HERC2: variants seen among roughly 807,000 people sequenced by gnomAD.
HERC2 encodes E3 ubiquitin-protein ligase HERC2.
A neutral mutation model predicts 537.7 loss-of-function variants in HERC2; 102 were observed. That is an observed-to-expected ratio of 0.19 (90% CI 0.16 to 0.22). The LOEUF is 0.22. Among genes scored for constraint, HERC2 ranks in the 10% least tolerant of loss-of-function variants. HERC2 has a pLI of 1.00. For missense variants in HERC2, 4,236 were observed against 6,198.2 expected, an observed-to-expected ratio of 0.68 and a Z score of 10.63; for synonymous variants, 2,224 against 2,466.2, an observed-to-expected ratio of 0.90 and a Z score of 2.91.
chr15:28,198,385 A>G lies in HERC2; in HGVS notation c.8004T>C (p.Val2668=). The G allele has an allele frequency of 6.2e-7, 1 of 1,611,884 alleles. No individual in the cohort carries two copies. Among genetic ancestry groups the G allele is most frequent in the Non-Finnish European group, 8.5e-7 (1 of 1,179,772 alleles). ...TTACCCAGATAATATTACCTTTCACAACCCCCACACTCTGATGAGTCACAG... is the reference window on the plus strand; with the variant it reads ...TTACCCAGATAATATTACCTTTCACGACCCCCACACTCTGATGAGTCACAG... ...WGSVTHQSVG[V]VKAFSANGKD... Residue 2668 remains valine (V), a synonymous_variant, in exon 50 of 93, where the codon GTT becomes GTC. Transcript: ENST00000261609.
intron 35 of HERC2, among the ~76,000 whole-genome samples, chr15:28,227,886 T>C: frequency 6.6e-6 from 1 of 152,146 alleles, no homozygotes; most frequent in Non-Finnish European, 1.5e-5. Flanking sequence ...ATTCCATTTA[T>C]ATGAAATATC....
In HERC2 at chr15:28,321,626, G is replaced by C. The variant is rs1300689262; in HGVS notation, c.-31-162C>G. ...GAGAGGGAAAGAGGGAAGAGATGGA[G>C]GGAGAGGGAGGTGGGGAAGGGAAAG... On this transcript the variant is annotated intron_variant, in intron 1 of 92. Coordinates refer to ENST00000261609, the MANE Select transcript of HERC2 (RefSeq NM_004667.6). Among the ~76,000 whole-genome samples, 11 of 125,448 alleles carry C rather than the reference G, an allele frequency of 8.8e-5. 1 individual carries two copies. In the East Asian group the frequency reaches 3.4e-3, roughly 39 times the overall value. 82.3% of individuals were successfully genotyped at this position (125,448 alleles called of 152,430 possible).
At chr15:28,266,076 C>A in intron 12 of HERC2, 102 bp from the exon 13 acceptor site, 1 of 1,275,950 alleles carries the variant, frequency 7.8e-7, no homozygotes. Context: ...ACCAGCATAG[C>A]ATCAGGCCAG....
At chr15:28,166,054 T>C (rs1417674732) in intron 68 of HERC2, among the ~76,000 whole-genome samples, 3 of 152,318 alleles carry the variant, frequency 2.0e-5, no homozygotes, top group Admixed American at 1.3e-4. Flanking sequence ...CAAAGAATGA[T>C]GGGAATATGC....
At position 28,248,713 on chromosome 15, in the gene HERC2, G is replaced by A. The variant is rs183120284; in HGVS notation, c.3074C>T (p.Ala1025Val). ...LLRNIASQTV[A>V]RLKDVARRIS... ...CCGACGGGCAACATCTTTCAATCTGGCTACAGTCTGAGAAGCAATGTTTCT... is the reference window on the plus strand; with the variant it reads ...CCGACGGGCAACATCTTTCAATCTGACTACAGTCTGAGAAGCAATGTTTCT... Residue 1025 changes from alanine to valine, a missense_variant, in exon 21 of 93, where the codon GCC (alanine) becomes GTC (valine). Around this residue, in one of 27 missense-constraint regions of HERC2, gnomAD observed 754 missense variants for 1,085.0 expected, o/e 0.69. Coordinates refer to ENST00000261609, the MANE Select transcript of HERC2 (RefSeq NM_004667.6). 1.9e-6 allele frequency: 3 copies of A among 1,613,730 alleles called. No homozygotes were observed. In the Admixed American group the frequency reaches 5.0e-5, roughly 27 times the overall value.
chr15:28,134,918 C>T (rs1012683197), intron 79 of HERC2, among the ~76,000 whole-genome samples: 2 of 151,974 alleles, frequency 1.3e-5, no homozygotes, highest in African/African-American at 4.8e-5. Context: ...AGCAATCTGC[C>T]CACCTCAGCT....
chr15:28,124,089 C>T lies in HERC2; in HGVS notation c.13136G>A (p.Gly4379Glu). The T allele has an allele frequency of 6.2e-7, 1 of 1,608,110 alleles. No individual in the cohort carries two copies. Among genetic ancestry groups the T allele is most frequent in the Non-Finnish European group, 8.5e-7 (1 of 1,177,110 alleles). Reference protein sequence around the residue: ...LEGSLDETGLGPSVGFDTLRG... With the variant: ...LEGSLDETGLEPSVGFDTLRG... Reference sequence around the variant, plus strand: ...GAGAGTGTCGAACCCAACAGAAGGCCCGAGTCCAGTTTCGTCGAGCGAGCC... The same window carrying T: ...GAGAGTGTCGAACCCAACAGAAGGCTCGAGTCCAGTTTCGTCGAGCGAGCC... Residue 4379 changes from glycine (G) to glutamate (E), a missense_variant, in exon 85 of 93, where the codon GGG becomes GAG. Gly to Glu is a moderately conservative substitution (Grantham distance 98, BLOSUM62 -2). Around this residue, in one of 27 missense-constraint regions of HERC2, gnomAD observed 189 missense variants for 255.7 expected, o/e 0.74. Coordinates refer to ENST00000261609, the MANE Select transcript of HERC2 (RefSeq NM_004667.6).
chr15:28,256,277 A>C lies in HERC2; in HGVS notation c.2558T>G (p.Leu853Arg). Residue 853 changes from leucine (L) to arginine (R), a missense_variant, in exon 18 of 93, where the codon CTT becomes CGT. Leu to Arg is a moderately radical substitution (Grantham distance 102). Transcript: ENST00000261609. The stretch of plus-strand genomic sequence containing the variant: ...GAGGATGCTGCCCAGACCTAAACCA[A>C]GGAATTCCGGGTCAACCTGGTGACT... ...AISHQVDPEF[L>R]GLGLGSILLN... 3 of 1,597,302 alleles carry C rather than the reference A, an allele frequency of 1.9e-6. No individual in the cohort carries two copies. Among genetic ancestry groups the C allele is most frequent in the Non-Finnish European group, 2.5e-6 (3 of 1,179,616 alleles).
rs2075816036 is a variant in HERC2 at position 28,274,346 on chromosome 15, C to A, written c.745G>T (p.Val249Leu). ...SLFDESTVSS[V>L]WLEVVERATR... is the part of the protein sequence containing the mutation. ...GCTCTCTCCACCACCTCCAGCCACA[C>A]AGAGGACACGGTGCTCTCGTCAAAG... Residue 249 changes from valine to leucine, a missense_variant, in exon 7 of 93, where the codon GTG becomes TTG. Around this residue, in one of 27 missense-constraint regions of HERC2, gnomAD observed 491 missense variants for 559.3 expected, o/e 0.88. Coordinates refer to ENST00000261609, the MANE Select transcript of HERC2 (RefSeq NM_004667.6). 1.2e-6 allele frequency: 2 copies of A among 1,614,244 alleles called. No individual in the cohort carries two copies. Among genetic ancestry groups the A allele is most frequent in the Non-Finnish European group, 1.7e-6 (2 of 1,180,032 alleles).
chr15:28,236,972 C>T lies in HERC2; in HGVS notation c.3994G>A (p.Glu1332Lys), dbSNP rs1209568934. Residue 1332 changes from glutamate to lysine, a missense_variant, in exon 26 of 93, where the codon GAA becomes AAA. Around this residue, in one of 27 missense-constraint regions of HERC2, gnomAD observed 754 missense variants for 1,085.0 expected, o/e 0.69. Transcript: ENST00000261609. Reference protein sequence around the residue: ...MSTPLSPVEIECAKWLQSSIF... With the variant: ...MSTPLSPVEIKCAKWLQSSIF... Reference sequence around the variant, plus strand: ...GCAAAGATTTTCTTACTGGCACATTCAATCTCGACAGGAGACAGCGGTGTG... The same window carrying T: ...GCAAAGATTTTCTTACTGGCACATTTAATCTCGACAGGAGACAGCGGTGTG... 4 of 1,611,818 alleles carry T rather than the reference C, an allele frequency of 2.5e-6. No homozygotes were observed. Among genetic ancestry groups the T allele is most frequent in the Non-Finnish European group, 3.4e-6 (4 of 1,179,718 alleles).
Position 28,144,091 on chromosome 15 carries a change from T to C in HERC2, c.11285A>G (p.Gln3762Arg). 6.2e-7 allele frequency: 1 copy of C among 1,614,178 alleles called. No individual in the cohort carries two copies. Among genetic ancestry groups the C allele is most frequent in the Non-Finnish European group, 8.5e-7 (1 of 1,180,042 alleles). ...GTGGCATTTACCTAGGGCACTCAGC[T>C]GTGCACAAGCTGCCAGCGAGGCCGC... ...RLAASLAACA[Q>R]LSALAASHRM... is the part of the protein sequence containing the mutation. The change falls in exon 73 of 93, where the codon CAG (glutamine) becomes CGG (arginine). Residue 3762 changes from glutamine to arginine, a missense_variant. By Grantham distance (43) the Gln-to-Arg change is conservative. Around this residue, in one of 27 missense-constraint regions of HERC2, gnomAD observed 109 missense variants for 133.5 expected, o/e 0.82. Transcript: ENST00000261609.
Position 28,198,450 on chromosome 15 carries a change from C to T in HERC2, c.7939G>A (p.Val2647Ile). ...SHIKIGDKVR[V>I]KASVTTPKYK... ...TTTGGTGTGGTGACAGAGGCTTTGA[C>T]CCGCACTTTATCACCAATCTTGATG... The change falls in exon 50 of 93, where the codon GTC becomes ATC. Residue 2647 changes from valine (V) to isoleucine (I), a missense_variant. This residue lies in a region of HERC2 where 606 missense variants were observed against 884.5 expected (regional missense o/e 0.69). Coordinates refer to ENST00000261609, the MANE Select transcript of HERC2 (RefSeq NM_004667.6). 6.2e-7 allele frequency: 1 copy of T among 1,613,790 alleles called. No individual in the cohort carries two copies. The highest frequency in any genetic ancestry group is 2.2e-5 in the East Asian group (1 of 44,880).
chr15:28,230,333 T>C (rs1308229044), intron 31 of HERC2, 34 bp downstream of exon 31: 1 of 1,579,846 alleles, frequency 6.3e-7, no homozygotes, highest in Admixed American at 1.7e-5. Flanking sequence ...ATGATTCTAT[T>C]CAGCCAACCT....
chr15:28,148,044 A>C (rs1446152447), intron 70 of HERC2, among the ~76,000 whole-genome samples: 1 of 150,956 alleles, frequency 6.6e-6, no homozygotes, highest in South Asian at 2.1e-4. Context: ...CTCCAAAAAA[A>C]AAAAAAAGAA....
At chr15:28,210,327 G>A (rs1899042429) in intron 44 of HERC2, among the ~76,000 whole-genome samples, 1 of 152,092 alleles carries the variant, frequency 6.6e-6, no homozygotes, top group Admixed American at 6.6e-5. Flanking sequence ...TAGAAATGGG[G>A]TTTCACCATG....
chr15:28,314,292 T>C (rs1419160731), intron 2 of HERC2, among the ~76,000 whole-genome samples: 1 of 151,952 alleles, frequency 6.6e-6, no homozygotes, highest in African/African-American at 2.4e-5. Context: ...ACTTCTATCA[T>C]GAAAGAAGAG....
Position 28,193,687 on chromosome 15 carries a change from C to A in HERC2, c.8261-1536G>T, listed in dbSNP as rs180725722. 7.8e-4 allele frequency among the ~76,000 whole-genome samples: 119 copies of A among 152,224 alleles called. 2 individuals carry two copies. In the East Asian group the frequency reaches 0.023, roughly 29 times the overall value. ...TGTGCAAGATGAAAACAAAAAGACT[C>A]TCTGAAAAGCAGACGAAGGAAAAAT... On this transcript the variant is annotated intron_variant, in intron 52 of 92. Coordinates refer to ENST00000261609, the MANE Select transcript of HERC2 (RefSeq NM_004667.6).
In HERC2 at chr15:28,268,031, G is replaced by A. The variant is rs1005094812; in HGVS notation, c.1598+434C>T. Among the ~76,000 whole-genome samples the A allele has an allele frequency of 1.3e-4, 20 of 152,314 alleles. No homozygotes were observed. The highest frequency in any genetic ancestry group is 4.8e-4 in the African/African-American group (20 of 41,564). On this transcript the variant is annotated intron_variant, in intron 12 of 92. Transcript: ENST00000261609. The surrounding 1 kb of genome is among the most constrained non-coding windows in gnomAD (Gnocchi z 4.7). ...TTTCATTTGTTCTTTCACAATAAAA[G>A]GTTCCACTGAGTAGGATAATATTAG...
In HERC2 at chr15:28,196,537, C is replaced by T. The variant is rs1406939840; in HGVS notation, c.8044G>A (p.Asp2682Asn). 9 of 1,613,074 alleles carry T rather than the reference C, an allele frequency of 5.6e-6. No homozygotes were observed. The highest frequency in any genetic ancestry group is 1.1e-5 in the South Asian group (1 of 91,036). Residue 2682 changes from aspartate (D) to asparagine (N), a missense_variant, in exon 51 of 93, where the codon GAC (aspartate) becomes AAC (asparagine). Transcript: ENST00000261609. ...FSANGKDIIV[D>N]FPQQSHWTGL... is the part of the protein sequence containing the mutation. ...GTCCAGTGAGACTGCTGGGGAAAGT[C>T]GACAATGATATCTTTTCCATTGGCA...
Sources: gnomAD v4.1 joint callset for allele counts (sites outside exome capture counted in the v4.1 genomes callset) on GRCh38, gnomAD v4.1.1 for gene constraint, gnomAD v4.1.1 regional missense constraint, Gnocchi (gnomAD v3.1) non-coding constraint, MANE v1.5 for transcripts, NCBI Gene and HGNC (gene_info 2026-07-23, HGNC 2026-07-21) for gene names.